FRMD4A: variants seen among roughly 807,000 people sequenced by gnomAD.
FRMD4A encodes the protein FERM domain-containing protein 4A.
In FRMD4A, 29 loss-of-function variants were observed where a neutral mutation model predicts 129.1. That is an observed-to-expected ratio of 0.22 (90% CI 0.17 to 0.31). FRMD4A has a LOEUF of 0.31. FRMD4A is among the 10% of genes least tolerant of loss of function. The probability of loss-of-function intolerance (pLI) is 1.00; values close to 1 mark genes in which losing one functional copy is unlikely to be tolerated. For synonymous variants in FRMD4A, 634 were observed against 571.6 expected (o/e 1.11, Z -1.56); for missense variants, 1,272 against 1,375.8 (o/e 0.92, Z 1.19).
At chr10:14,241,525 C>A (rs548619773) in intron 2 of FRMD4A, among the ~76,000 whole-genome samples, 1 of 151,574 alleles carries the variant, frequency 6.6e-6, no homozygotes, top group Non-Finnish European at 1.5e-5. Flanking sequence ...AAAAAGTAGT[C>A]TTCTATTCTT....
chr10:13,774,257 G>A (rs1417654497), intron 6 of FRMD4A, among the ~76,000 whole-genome samples: 1 of 152,190 alleles, frequency 6.6e-6, no homozygotes, highest in African/African-American at 2.4e-5. Flanking sequence ...AAGTAGGGGG[G>A]TGGAAGGGAA....
chr10:13,912,585 G>C (rs1230794116), intron 2 of FRMD4A, among the ~76,000 whole-genome samples: 1 of 148,336 alleles, frequency 6.7e-6, no homozygotes, highest in Non-Finnish European at 1.5e-5. Flanking sequence ...CTAGAGTGCA[G>C]TGGCGCGATC....
intron 6 of FRMD4A, among the ~76,000 whole-genome samples, chr10:13,780,453 A>C (rs951003465): frequency 1.3e-5 from 2 of 152,176 alleles, no homozygotes; most frequent in Non-Finnish European, 2.9e-5. Flanking sequence ...CCACAAAAGG[A>C]GACACTACAA....
chr10:14,320,693 A>G (rs1846943460), intron 2 of FRMD4A, among the ~76,000 whole-genome samples: 1 of 152,248 alleles, frequency 6.6e-6, no homozygotes, highest in Admixed American at 6.5e-5. Flanking sequence ...AATGAGATAT[A>G]AGTTCCCAGG....
intron 2 of FRMD4A, among the ~76,000 whole-genome samples, chr10:13,977,098 T>C (rs1030293557): frequency 6.6e-6 from 1 of 152,146 alleles, no homozygotes; most frequent in African/African-American, 2.4e-5. Context: ...GAGAAGGTGA[T>C]AGGAAAATAA....
intron 2 of FRMD4A, among the ~76,000 whole-genome samples, chr10:14,257,579 G>T (rs1490603132): frequency 6.6e-6 from 1 of 152,148 alleles, no homozygotes; most frequent in Non-Finnish European, 1.5e-5. Flanking sequence ...CTGGATATTT[G>T]CAGGTGTAAT....
rs79226884 is a variant in FRMD4A at position 13,758,945 on chromosome 10, G to A, written c.464+2702C>T. ...TGAACCGAATGTGGTCAATTTCGAC[G>A]TGTTGGGTATCTTCCCAGAAGCAGA... On this transcript the variant is annotated intron_variant, in intron 8 of 24. Coordinates refer to ENST00000357447, the MANE Select transcript of FRMD4A (RefSeq NM_018027.5). Among the ~76,000 whole-genome samples, 702 of 152,264 alleles carry A rather than the reference G, an allele frequency of 4.6e-3. 4 individuals carry two copies. Among genetic ancestry groups the A allele is most frequent in the African/African-American group, 0.016 (659 of 41,538 alleles).
intron 2 of FRMD4A, among the ~76,000 whole-genome samples, chr10:14,274,799 C>T (rs149093053): frequency 5.6e-4 from 86 of 152,288 alleles, no homozygotes; most frequent in African/African-American, 1.9e-3. Flanking sequence ...TGGTAGCACC[C>T]GGCAAGTCCC....
chr10:14,037,148 C>A (rs1833538656), intron 2 of FRMD4A, among the ~76,000 whole-genome samples: 2 of 152,194 alleles, frequency 1.3e-5, no homozygotes, highest in Non-Finnish European at 2.9e-5. Context: ...TATATACACA[C>A]ACACATATGC....
rs1207471495 is a variant in FRMD4A at position 13,714,059 on chromosome 10, T to TATATATATATATATATATAA, written c.760-6947_760-6946insTTATATATATATATATATAT. ...ATATATATATATATATATATATATA[T>TATATATATATATATATATAA]AAAATATACTTTTTTTTTGAGACAC... is the stretch of plus-strand genomic sequence containing the variant. On this transcript the variant is annotated intron_variant, in intron 12 of 24. Coordinates refer to ENST00000357447, the MANE Select transcript of FRMD4A (RefSeq NM_018027.5). Among the ~76,000 whole-genome samples the TATATATATATATATATATAA allele has an allele frequency of 3.5e-3, 355 of 101,284 alleles. 24 individuals are homozygous for TATATATATATATATATATAA. Among genetic ancestry groups the TATATATATATATATATATAA allele is most frequent in the Non-Finnish European group, 5.1e-3 (253 of 49,450 alleles). The allele number at this position is 101,284 out of a possible 152,430, so 66.4% of individuals were successfully genotyped here.
intron 2 of FRMD4A, among the ~76,000 whole-genome samples, chr10:14,113,232 G>A (rs1838017950): frequency 1.3e-5 from 2 of 152,156 alleles, no homozygotes; most frequent in South Asian, 4.1e-4. Flanking sequence ...AGCTGCCAGG[G>A]TCCACTTACA....
chr10:14,321,991 C>A (rs988061197), intron 2 of FRMD4A, among the ~76,000 whole-genome samples: 2 of 152,188 alleles, frequency 1.3e-5, no homozygotes, highest in Non-Finnish European at 2.9e-5. Context: ...GCAAGATGTG[C>A]CTCCTTCCTC....
chr10:13,714,424 T>G (rs1172113420), intron 12 of FRMD4A, among the ~76,000 whole-genome samples: 1 of 151,706 alleles, frequency 6.6e-6, no homozygotes, highest in Non-Finnish European at 1.5e-5. Flanking sequence ...CTATCAGTTT[T>G]TTAGGCATTC....
chr10:13,944,820 GCA>G (rs1357857276), intron 2 of FRMD4A, among the ~76,000 whole-genome samples: 3 of 152,242 alleles, frequency 2.0e-5, no homozygotes, highest in African/African-American at 4.8e-5. Context: ...CTCTGTCTGT[GCA>G]CACAGTGTCA....
At chr10:14,277,495 A>T (rs747699858) in intron 2 of FRMD4A, among the ~76,000 whole-genome samples, 12 of 152,154 alleles carry the variant, frequency 7.9e-5, no homozygotes, top group Non-Finnish European at 1.5e-4. Context: ...CAAAAAGGAG[A>T]TTCCAAATCT....
At chr10:13,948,158 A>G (rs1480867505) in intron 2 of FRMD4A, among the ~76,000 whole-genome samples, 1 of 152,120 alleles carries the variant, frequency 6.6e-6, no homozygotes, top group African/African-American at 2.4e-5. Context: ...AATGTTATTC[A>G]CTTATGCTAC....
intron 2 of FRMD4A, among the ~76,000 whole-genome samples, chr10:13,956,401 C>T (rs909757536): frequency 6.6e-6 from 1 of 152,228 alleles, no homozygotes; most frequent in African/African-American, 2.4e-5. Flanking sequence ...ATCAGCCTGC[C>T]TTGGCCTCCC....
At chr10:13,903,713 ATAAAAAT>A (rs2094847364) in intron 2 of FRMD4A, among the ~76,000 whole-genome samples, 1 of 151,540 alleles carries the variant, frequency 6.6e-6, no homozygotes, top group African/African-American at 2.4e-5. Context: ...CTCTAAAAAA[ATAAAAAT>A]AAAAAAAAAA....
chr10:13,710,428 C>T (rs1216686027), intron 12 of FRMD4A: 1 of 152,316 alleles, frequency 6.6e-6, no homozygotes, highest in Non-Finnish European at 1.5e-5. Flanking sequence ...ACAAAACCAT[C>T]TGGACTCTGC....
Sources: gnomAD v4.1 joint callset for allele counts (sites outside exome capture counted in the v4.1 genomes callset) on GRCh38, gnomAD v4.1.1 for gene constraint, MANE v1.5 for transcripts, NCBI Gene and HGNC (gene_info 2026-07-23, HGNC 2026-07-21) for gene names.